The following CACNA1C variants were observed in gnomAD, a reference collection of about 807,000 sequenced individuals.
The protein encoded by CACNA1C is calcium voltage-gated channel subunit alpha1 C.
CACNA1C carries 30 observed loss-of-function variants against 229.0 expected under a neutral mutation model. That is an observed-to-expected ratio of 0.13 (90% confidence interval 0.10 to 0.18). CACNA1C has a LOEUF of 0.18. CACNA1C is among the 10% of genes least tolerant of loss of function. CACNA1C has a pLI of 1.00. For missense variants in CACNA1C, 1,658 were observed against 2,845.0 expected (o/e 0.58, Z 9.49); for synonymous variants, 1,114 against 1,132.5 (o/e 0.98, Z 0.33).
intron 1 of CACNA1C, among the ~76,000 whole-genome samples, chr12:2,094,786 G>A (rs970473820): frequency 6.6e-5 from 10 of 152,134 alleles, no homozygotes; most frequent in Admixed American, 5.2e-4. Context: ...GGAAATGTTG[G>A]GGGTTGTGAA....
intron 3 of CACNA1C, among the ~76,000 whole-genome samples, chr12:2,316,648 C>T (rs1055255926): frequency 2.0e-5 from 3 of 152,250 alleles, no homozygotes; most frequent in Non-Finnish European, 4.4e-5. Flanking sequence ...AGTGGAGACC[C>T]CAATGGCCAA....
chr12:2,327,058 G>A (rs2096336401), intron 3 of CACNA1C, among the ~76,000 whole-genome samples: 3 of 151,872 alleles, frequency 2.0e-5, no homozygotes, highest in South Asian at 4.1e-4. Context: ...TGCCATCTTG[G>A]ACCATGAGTA....
At chr12:2,560,848 TA>T (rs36012443) in intron 11 of CACNA1C, among the ~76,000 whole-genome samples, 8,737 of 112,904 alleles carry the variant, frequency 0.077, 305 homozygotes, top group Non-Finnish European at 0.084. Context: ...TTGGTTCTGG[TA>T]AAAAAAAAAA....
At chr12:2,217,080 A>G (rs1467769917) in intron 3 of CACNA1C, among the ~76,000 whole-genome samples, 2 of 152,276 alleles carry the variant, frequency 1.3e-5, no homozygotes, top group African/African-American at 4.8e-5. Flanking sequence ...GGCCTTAAAA[A>G]GGAAGGAGAT....
At position 2,581,953 on chromosome 12, in the gene CACNA1C, G is replaced by C. The variant is rs1043149007; in HGVS notation, c.2103+156G>C. On this transcript the variant is annotated intron_variant, in intron 14 of 46. Coordinates refer to ENST00000399655, the MANE Select transcript of CACNA1C (RefSeq NM_000719.7). ...CCCGGGAGAGTCTTGAGTTTTTTCT[G>C]TAGTTTCCCTGTCCCCATCTGCCAT... Among the ~76,000 whole-genome samples, 5 of 150,606 alleles carry C rather than the reference G, an allele frequency of 3.3e-5. No individual in the cohort carries two copies. The East Asian group carries it at 7.8e-4, about 23-fold the overall frequency.
intron 1 of CACNA1C, among the ~76,000 whole-genome samples, chr12:2,014,271 C>T (rs75578656): frequency 3.7e-5 from 4 of 106,908 alleles, no homozygotes; most frequent in African/African-American, 1.8e-4. Context: ...GAAAAATAGG[C>T]ATCTTTTTTT....
intron 3 of CACNA1C, among the ~76,000 whole-genome samples, chr12:2,279,670 G>T (rs547800166): frequency 6.6e-6 from 1 of 152,110 alleles, no homozygotes; most frequent in Non-Finnish European, 1.5e-5. Flanking sequence ...TCGTATAGTT[G>T]GTCCTTTGTA....
At chr12:2,178,352 T>G (rs2154276601) in intron 3 of CACNA1C, among the ~76,000 whole-genome samples, 1 of 152,344 alleles carries the variant, frequency 6.6e-6, no homozygotes, top group East Asian at 1.9e-4. Flanking sequence ...CAAGGGGCCA[T>G]GCACTAACTG....
At chr12:1,979,548 G>C (rs1046491109) in intron 1 of CACNA1C, among the ~76,000 whole-genome samples, 18 of 152,336 alleles carry the variant, frequency 1.2e-4, no homozygotes, top group Admixed American at 2.6e-4. Context: ...CTGACCTCAA[G>C]TGATCCGCCC....
Position 2,285,555 on chromosome 12 carries a change from C to A in CACNA1C, c.478-163421C>A, listed in dbSNP as rs548910665. ...TCTGTTCTTAAACTCTCCTTAAACACCTCCTCATCCCAGACGGGTTGACTT... is the reference window on the plus strand; with the variant it reads ...TCTGTTCTTAAACTCTCCTTAAACAACTCCTCATCCCAGACGGGTTGACTT... On this transcript the variant is annotated intron_variant, in intron 3 of 46. Transcript: ENST00000399655. This position sits in a 1 kb window ranked among gnomAD's most constrained non-coding sequence, Gnocchi z 4.2. Among the ~76,000 whole-genome samples the A allele has an allele frequency of 3.2e-3, 493 of 152,234 alleles. 4 individuals are homozygous for A. Among genetic ancestry groups the A allele is most frequent in the African/African-American group, 0.011 (460 of 41,542 alleles).
rs2045110163 is a variant in CACNA1C at position 2,015,048 on chromosome 12, C to G, written c.139+43847C>G. On this transcript the variant is annotated intron_variant, in intron 1 of 46. Transcript: ENST00000682462. ...TCTCCTGTTCTCCTTCTTGGAGTTT[C>G]CTTTCCCAAGAAAACAGACTGGATC... Among the ~76,000 whole-genome samples the G allele has an allele frequency of 2.0e-5, 3 of 152,182 alleles. No individual in the cohort carries two copies. In the South Asian group the frequency reaches 6.2e-4, roughly 32 times the overall value.
At chr12:2,136,542 G>T (rs972443766) in intron 3 of CACNA1C, among the ~76,000 whole-genome samples, 6 of 150,936 alleles carry the variant, frequency 4.0e-5, no homozygotes, top group Non-Finnish European at 5.9e-5. Flanking sequence ...TTAATTATCA[G>T]GCCTTCAACT....
At chr12:2,573,853 G>A (rs2057339794) in intron 13 of CACNA1C, among the ~76,000 whole-genome samples, 1 of 152,228 alleles carries the variant, frequency 6.6e-6, no homozygotes, top group Non-Finnish European at 1.5e-5. Context: ...GAATGGGTGA[G>A]ATCCGGGTGG....
intron 31 of CACNA1C, 56 bp downstream of exon 31, chr12:2,648,563 C>T (rs2094577567): frequency 9.9e-6 from 15 of 1,509,952 alleles, no homozygotes; most frequent in Middle Eastern, 1.7e-4. Flanking sequence ...TCTAACACCC[C>T]CACTCTCCCC....
At chr12:2,010,902 A>T (rs2429133) in intron 1 of CACNA1C, 1 of 152,150 alleles carries the variant, frequency 6.6e-6, no homozygotes, top group Non-Finnish European at 1.5e-5. Flanking sequence ...TAATCTCAGC[A>T]CTTTGGGAGG....
chr12:2,012,099 T>C (rs916037873), intron 1 of CACNA1C, among the ~76,000 whole-genome samples: 1 of 152,184 alleles, frequency 6.6e-6, no homozygotes, highest in Non-Finnish European at 1.5e-5. Context: ...CCAAAGGTAA[T>C]TGAACTGCAA....
intron 1 of CACNA1C, among the ~76,000 whole-genome samples, chr12:2,025,175 G>C (rs1237678238): frequency 6.6e-6 from 1 of 152,118 alleles, no homozygotes; most frequent in Non-Finnish European, 1.5e-5. Context: ...TAGTGAAGGC[G>C]AGGGGGCCCC....
At chr12:2,418,985 T>C (rs2098945935) in intron 3 of CACNA1C, among the ~76,000 whole-genome samples, 1 of 152,198 alleles carries the variant, frequency 6.6e-6, no homozygotes, top group South Asian at 2.1e-4. Flanking sequence ...TGCAGCACTA[T>C]ATGTGATTTT....
chr12:2,069,860 C>T (rs2060588894), intron 1 of CACNA1C, among the ~76,000 whole-genome samples: 1 of 152,086 alleles, frequency 6.6e-6, no homozygotes, highest in African/African-American at 2.4e-5. Context: ...CTCTGTTGTC[C>T]AGGCTGGAGT....
Sources: gnomAD v4.1 joint callset for allele counts (sites outside exome capture counted in the v4.1 genomes callset) on GRCh38, gnomAD v4.1.1 for gene constraint, Gnocchi (gnomAD v3.1) non-coding constraint, MANE v1.5 for transcripts, NCBI Gene and HGNC (gene_info 2026-07-23, HGNC 2026-07-21) for gene names.